CDK12: variants seen among roughly 807,000 people sequenced by gnomAD.
CDK12 encodes cyclin dependent kinase 12.
A neutral mutation model predicts 133.8 loss-of-function variants in CDK12; 17 were observed. That is an observed-to-expected ratio of 0.13 (90% confidence interval 0.09 to 0.19). CDK12 has a LOEUF of 0.19. Among genes scored for constraint, CDK12 ranks in the 10% least tolerant of loss-of-function variants. The pLI is 1.00. For missense variants in CDK12, 1,508 were observed against 1,818.7 expected, an observed-to-expected ratio of 0.83 and a Z score of 3.11; for synonymous variants, 694 against 683.6, an observed-to-expected ratio of 1.02 and a Z score of -0.24.
Position 39,530,586 on chromosome 17 carries a change from G to T in CDK12, c.3761-18G>T. ...GTGCTTTTTAAGATGGTGTTTAAAA[G>T]AAGTAACCCTTCCACAGCATGTCCT... On this transcript the variant is annotated intron_variant, in intron 13 of 13. Coordinates refer to ENST00000447079, the MANE Select transcript of CDK12 (RefSeq NM_016507.4). The T allele has an allele frequency of 5.8e-6, 9 of 1,550,964 alleles. No individual in the cohort carries two copies. The highest frequency in any genetic ancestry group is 7.8e-6 in the Non-Finnish European group (9 of 1,149,084).
intron 11 of CDK12, among the ~76,000 whole-genome samples, chr17:39,523,749 G>A (rs1322681463): frequency 6.6e-6 from 1 of 151,934 alleles, no homozygotes; most frequent in African/African-American, 2.4e-5. Context: ...CACCTCCCAG[G>A]TTCAAGCAAT....
At chr17:39,525,498 C>G (rs184994435) in intron 12 of CDK12, among the ~76,000 whole-genome samples, 1 of 152,184 alleles carries the variant, frequency 6.6e-6, no homozygotes, top group East Asian at 1.9e-4. Context: ...AACAAATATG[C>G]CTATACGATT....
chr17:39,503,882 TCATTTTATATAGAAGAGAGA>T (rs1039829957), intron 6 of CDK12, among the ~76,000 whole-genome samples: 1 of 152,074 alleles, frequency 6.6e-6, no homozygotes, highest in African/African-American at 2.4e-5. Flanking sequence ...TGAGACCAAA[TCATTTTATATAGAAGAGAGA>T]CACAGTCAAT....
At chr17:39,497,838 C>A (rs1598055390) in intron 5 of CDK12, among the ~76,000 whole-genome samples, 1 of 152,074 alleles carries the variant, frequency 6.6e-6, no homozygotes, top group East Asian at 1.9e-4. Context: ...CTCCTGGGCT[C>A]AAGCAGTCCT....
At chr17:39,506,369 C>G (rs1164926857) in intron 6 of CDK12, among the ~76,000 whole-genome samples, 1 of 151,928 alleles carries the variant, frequency 6.6e-6, no homozygotes, top group African/African-American at 2.4e-5. Flanking sequence ...CGCATGCCAC[C>G]ACGCCTGGCT....
At chr17:39,503,230 G>A (rs536830874) in intron 6 of CDK12, among the ~76,000 whole-genome samples, 12 of 152,126 alleles carry the variant, frequency 7.9e-5, no homozygotes, top group African/African-American at 2.2e-4. Flanking sequence ...CCACCACCAC[G>A]CCCAGCTAAT....
intron 8 of CDK12, among the ~76,000 whole-genome samples, chr17:39,513,663 C>T (rs2146421354): frequency 6.6e-6 from 1 of 152,232 alleles, no homozygotes; most frequent in Non-Finnish European, 1.5e-5. Flanking sequence ...GTCTTCCCAC[C>T]AAAGGACTGG....
chr17:39,476,711 C>CCTTTTT (rs1555553398), intron 2 of CDK12, among the ~76,000 whole-genome samples: 1 of 84,514 alleles, frequency 1.2e-5, no homozygotes, highest in African/African-American at 5.7e-5. Context: ...CCATGCCTGC[C>CCTTTTT]TTTTTTTTTT....
At chr17:39,555,040 G>A (rs1195539685) in intron 2 of CDK12, among the ~76,000 whole-genome samples, 1 of 152,012 alleles carries the variant, frequency 6.6e-6, no homozygotes, top group Non-Finnish European at 1.5e-5. Flanking sequence ...ACAAGGTCAG[G>A]AGATCGAGAT....
In CDK12 at chr17:39,526,207, G is replaced by C; in HGVS notation, c.3651G>C (p.Leu1217=). ...QNILAVLLSQ[L]MKTQEPAGSL... is the part of the protein sequence containing the mutation. ...TATTGGCAGTTCTCTTGAGTCAGCT[G>C]ATGAAAACCCAAGAGCCAGCAGGCA... Residue 1217 remains leucine, a synonymous_variant, in exon 13 of 14, where the codon CTG becomes CTC. Coordinates refer to ENST00000447079, the MANE Select transcript of CDK12 (RefSeq NM_016507.4). The C allele has an allele frequency of 6.2e-7, 1 of 1,613,968 alleles. No individual in the cohort carries two copies. Among genetic ancestry groups the C allele is most frequent in the East Asian group, 2.2e-5 (1 of 44,882 alleles).
intron 5 of CDK12, among the ~76,000 whole-genome samples, chr17:39,500,035 T>G (rs2146106907): frequency 6.6e-6 from 1 of 152,290 alleles, no homozygotes; most frequent in East Asian, 1.9e-4. Flanking sequence ...GTCATTAAAG[T>G]CTAGTAAGAC....
chr17:39,556,665 C>T (rs188140344), intron 3 of CDK12, among the ~76,000 whole-genome samples: 1 of 152,234 alleles, frequency 6.6e-6, no homozygotes, highest in African/African-American at 2.4e-5. Context: ...CCCTCCCTGC[C>T]AACAATCCTG....
At chr17:39,467,960 C>G (rs2049475075) in intron 1 of CDK12, among the ~76,000 whole-genome samples, 1 of 151,328 alleles carries the variant, frequency 6.6e-6, no homozygotes, top group South Asian at 2.1e-4. Context: ...GTGGCGTGAT[C>G]TTGGCTTACT....
chr17:39,525,481 C>T (rs2054441170), intron 12 of CDK12, among the ~76,000 whole-genome samples: 1 of 152,164 alleles, frequency 6.6e-6, no homozygotes, highest in African/African-American at 2.4e-5. Flanking sequence ...ATCCTGGAAG[C>T]TTTAAAAACA....
At chr17:39,547,087 T>A (rs1312832633), upstream of CDK12, among the ~76,000 whole-genome samples, 1 of 151,272 alleles carries the variant, frequency 6.6e-6, no homozygotes, top group African/African-American at 2.4e-5. Flanking sequence ...GCCACAGATG[T>A]GCATTCTTCC....
intron 6 of CDK12, among the ~76,000 whole-genome samples, chr17:39,508,837 A>C (rs2053298144): frequency 6.6e-6 from 1 of 151,968 alleles, no homozygotes; most frequent in South Asian, 2.1e-4. Flanking sequence ...TCTACAAAAA[A>C]TAAAATAATT....
chr17:39,534,109 T>C lies in CDK12; in HGVS notation c.*2793T>C, dbSNP rs2055019292. 2 of 232,714 alleles carry C rather than the reference T, an allele frequency of 8.6e-6. No homozygotes were observed. The highest frequency in any genetic ancestry group is 6.0e-5 in the East Asian group (1 of 16,598). 14.4% of individuals were successfully genotyped at this position (232,714 alleles called of 1,614,324 possible). On this transcript the variant is annotated 3_prime_UTR_variant, in exon 14 of 14. Coordinates refer to ENST00000447079, the MANE Select transcript of CDK12 (RefSeq NM_016507.4). ...ATTTTTGTGGTTTTGAAAACAAATA[T>C]ACTTGACCCAGTTTCCTTAGTTTTT...
chr17:39,477,195 A>G (rs1474207373), intron 2 of CDK12, among the ~76,000 whole-genome samples: 1 of 138,178 alleles, frequency 7.2e-6, no homozygotes, highest in Non-Finnish European at 1.6e-5. Context: ...TAATTTTTGT[A>G]GTGTTTTTAT....
chr17:39,520,103 C>A lies in CDK12; in HGVS notation c.3095+16C>A, dbSNP rs749044830. On this transcript the variant is annotated intron_variant, in intron 11 of 13. Coordinates refer to ENST00000447079, the MANE Select transcript of CDK12 (RefSeq NM_016507.4). ...CTCCTCCAGAGTAAGTGCTGGTAGC[C>A]ATGTTGTGACCCTAAATCTTTCCCT... The A allele has an allele frequency of 6.2e-7, 1 of 1,613,430 alleles. No individual in the cohort carries two copies. Among genetic ancestry groups the A allele is most frequent in the Non-Finnish European group, 8.5e-7 (1 of 1,179,694 alleles).
Sources: allele counts gnomAD v4.1 joint callset (sites outside exome capture counted in the v4.1 genomes callset), GRCh38; gene constraint gnomAD v4.1.1; transcripts MANE v1.5; gene names NCBI Gene and HGNC (gene_info 2026-07-23, HGNC 2026-07-21).